Variants in CA10 observed in about 807,000 individuals in gnomAD.
CA10 encodes the protein carbonic anhydrase-related protein 10.
In CA10, 14 loss-of-function variants were observed where a neutral mutation model predicts 44.2. That is an observed-to-expected ratio of 0.32 (90% CI 0.21 to 0.50). The LOEUF is 0.50. CA10 is among the 20% of genes least tolerant of loss of function. The probability of loss-of-function intolerance (pLI) is 0.99; values close to 1 mark genes in which losing one functional copy is unlikely to be tolerated. For synonymous variants in CA10, 159 were observed against 141.6 expected (o/e 1.12, Z -0.87); for missense variants, 350 against 409.7 (o/e 0.85, Z 1.26).
At chr17:52,120,773 T>C (rs1035871496) in intron 1 of CA10, among the ~76,000 whole-genome samples, 2 of 152,196 alleles carry the variant, frequency 1.3e-5, no homozygotes, top group African/African-American at 4.8e-5. Context: ...CTTCAGCTCA[T>C]GTGTGGTAGC....
At position 51,946,334 on chromosome 17, in the gene CA10, C is replaced by T. The variant is rs112385967; in HGVS notation, c.137-15202G>A. 3.1e-3 allele frequency among the ~76,000 whole-genome samples: 472 copies of T among 152,220 alleles called. 1 individual carries two copies. Among genetic ancestry groups the T allele is most frequent in the African/African-American group, 0.011 (448 of 41,536 alleles). ...AAAAAAATAAGTGTGTGAGGTAAGA[C>T]GTATGTTAATTAACTTGATTTAGTT... On this transcript the variant is annotated intron_variant, in intron 2 of 8. Coordinates refer to ENST00000451037, the MANE Select transcript of CA10 (RefSeq NM_020178.5).
At chr17:51,742,592 T>C (rs1469747730) in intron 4 of CA10, among the ~76,000 whole-genome samples, 1 of 152,232 alleles carries the variant, frequency 6.6e-6, no homozygotes, top group East Asian at 1.9e-4. Flanking sequence ...GTTGTTTTGT[T>C]TCAGTTGTTG....
intron 1 of CA10, among the ~76,000 whole-genome samples, chr17:52,099,533 A>G (rs946673097): frequency 6.6e-6 from 1 of 152,076 alleles, no homozygotes; most frequent in Non-Finnish European, 1.5e-5. Flanking sequence ...AAGTTGTTGT[A>G]TGGGTGATGT....
intron 3 of CA10, among the ~76,000 whole-genome samples, chr17:51,843,985 A>G (rs1479417483): frequency 6.6e-6 from 1 of 152,202 alleles, no homozygotes; most frequent in Non-Finnish European, 1.5e-5. Flanking sequence ...TCTCTCACCA[A>G]TTTTTATAAA....
At chr17:51,689,662 G>A (rs939752313) in intron 4 of CA10, among the ~76,000 whole-genome samples, 1 of 152,154 alleles carries the variant, frequency 6.6e-6, no homozygotes, top group Non-Finnish European at 1.5e-5. Context: ...TTCCAGTATA[G>A]AGACTGACAT....
Position 51,670,254 on chromosome 17 carries a change from C to T in CA10, c.466-16518G>A, listed in dbSNP as rs563544169. ...CCATTTAAGGAGAGTTTCCCATGTG[C>T]CAGCAGGGTCCTCAATGCCCTACAG... On this transcript the variant is annotated intron_variant, in intron 4 of 8. Transcript: ENST00000451037. 1.1e-4 allele frequency among the ~76,000 whole-genome samples: 17 copies of T among 152,282 alleles called. No individual in the cohort carries two copies. In the South Asian group the frequency reaches 3.3e-3, roughly 30 times the overall value.
At chr17:51,843,848 T>C (rs1011616382) in intron 3 of CA10, among the ~76,000 whole-genome samples, 1 of 152,138 alleles carries the variant, frequency 6.6e-6, no homozygotes, top group Non-Finnish European at 1.5e-5. Flanking sequence ...AGTTGCAAAG[T>C]TTTACAGAAA....
chr17:52,061,288 C>G (rs1037798423), intron 2 of CA10, among the ~76,000 whole-genome samples: 1 of 152,100 alleles, frequency 6.6e-6, no homozygotes, highest in Non-Finnish European at 1.5e-5. Flanking sequence ...GAAGCACAGG[C>G]TGGAGCCATG....
intron 1 of CA10, among the ~76,000 whole-genome samples, chr17:52,147,625 A>C (rs2143401935): frequency 6.6e-6 from 1 of 152,340 alleles, no homozygotes; most frequent in South Asian, 2.1e-4. Flanking sequence ...AACAGGAATG[A>C]AACTTGTTAC....
chr17:51,706,871 G>A (rs1464677349), intron 4 of CA10, among the ~76,000 whole-genome samples: 1 of 151,884 alleles, frequency 6.6e-6, no homozygotes, highest in Non-Finnish European at 1.5e-5. Context: ...TCTCCTTTAG[G>A]TCTTTGTTCA....
chr17:51,879,800 G>A (rs753411698), intron 3 of CA10, among the ~76,000 whole-genome samples: 1 of 152,136 alleles, frequency 6.6e-6, no homozygotes, highest in Non-Finnish European at 1.5e-5. Context: ...TCCACATTAG[G>A]GAGGAGAATT....
At chr17:52,088,235 T>TA (rs200351338) in intron 1 of CA10, among the ~76,000 whole-genome samples, 13 of 151,388 alleles carry the variant, frequency 8.6e-5, no homozygotes, top group East Asian at 1.9e-4. Context: ...AAAAAAAGTT[T>TA]AAAAAAAAAG....
intron 2 of CA10, among the ~76,000 whole-genome samples, chr17:51,969,267 G>T (rs1984192133): frequency 6.6e-6 from 1 of 151,924 alleles, no homozygotes; most frequent in Non-Finnish European, 1.5e-5. Flanking sequence ...CAGACACTTT[G>T]CTAGATGCTT....
chr17:51,644,269 C>A (rs551890937), intron 6 of CA10, among the ~76,000 whole-genome samples: 11 of 152,090 alleles, frequency 7.2e-5, no homozygotes, highest in African/African-American at 2.7e-4. Context: ...GATTTCACCC[C>A]GCTGCCTCCA....
intron 4 of CA10, among the ~76,000 whole-genome samples, chr17:51,710,890 T>C (rs959163351): frequency 2.0e-5 from 3 of 151,456 alleles, no homozygotes; most frequent in African/African-American, 7.3e-5. Context: ...AAATTTGTGT[T>C]AGATTATGCC....
chr17:51,885,961 A>T (rs1055435581), intron 3 of CA10, among the ~76,000 whole-genome samples: 1 of 152,246 alleles, frequency 6.6e-6, no homozygotes, highest in Admixed American at 6.5e-5. Flanking sequence ...TGAGGTTTCT[A>T]ACTAAGGCAT....
chr17:51,805,975 G>T, intron 3 of CA10, among the ~76,000 whole-genome samples: 1 of 152,180 alleles, frequency 6.6e-6, no homozygotes, highest in South Asian at 2.1e-4. Flanking sequence ...CTGGCAGAGG[G>T]CATAGCAAAG....
chr17:52,008,376 A>G (rs1194270077), intron 2 of CA10, among the ~76,000 whole-genome samples: 1 of 151,810 alleles, frequency 6.6e-6, no homozygotes, highest in Non-Finnish European at 1.5e-5. Context: ...AACTATTTTT[A>G]TTGAGAAGAT....
rs546165737 is a variant in CA10 at position 51,683,187 on chromosome 17, G to A, written c.466-29451C>T. On this transcript the variant is annotated intron_variant, in intron 4 of 8. Transcript: ENST00000451037. ...TTCATGGCTTCATGGTGCCTCCTTA[G>A]AAATGACAGGTCCAATTAAGACACA... Among the ~76,000 whole-genome samples the A allele has an allele frequency of 4.6e-5, 7 of 152,274 alleles. No homozygotes were observed. In the South Asian group the frequency reaches 1.5e-3, roughly 32 times the overall value.
Sources: allele counts gnomAD v4.1 joint callset (sites outside exome capture counted in the v4.1 genomes callset), GRCh38; gene constraint gnomAD v4.1.1; transcripts MANE v1.5; gene names NCBI Gene and HGNC (gene_info 2026-07-23, HGNC 2026-07-21).